Variants in FNTA observed in about 807,000 individuals in gnomAD.
FNTA encodes protein farnesyltransferase/geranylgeranyltransferase type-1 subunit alpha.
FNTA carries 27 observed loss-of-function variants against 55.2 expected under a neutral mutation model. The ratio of observed to expected loss-of-function variants is 0.49; its 90% CI spans 0.36 to 0.67. FNTA has a LOEUF of 0.67. Ranked by LOEUF, FNTA falls within the 30% of genes least tolerant of loss-of-function variation. The probability of loss-of-function intolerance (pLI) is 0.00; values close to 1 mark genes in which losing one functional copy is unlikely to be tolerated. For synonymous variants in FNTA, 176 were observed against 170.7 expected (o/e 1.03, Z -0.24); for missense variants, 422 against 464.7 (o/e 0.91, Z 0.85).
chr8:43,060,733 C>T (rs1810512499), intron 2 of FNTA, among the ~76,000 whole-genome samples: 1 of 151,100 alleles, frequency 6.6e-6, no homozygotes, highest in Admixed American at 6.6e-5. Flanking sequence ...GGTTAGAAAC[C>T]CTAAAGGAAA....
intron 6 of FNTA, chr8:43,078,522 T>C (rs1810959746): frequency 6.6e-6 from 1 of 152,204 alleles, no homozygotes; most frequent in African/African-American, 2.4e-5. Context: ...TGATTTGTGA[T>C]CAGTCATCTT....
At chr8:43,061,555 A>G (rs905719675) in intron 2 of FNTA, among the ~76,000 whole-genome samples, 17 of 152,212 alleles carry the variant, frequency 1.1e-4, no homozygotes, top group African/African-American at 3.9e-4. Flanking sequence ...CTATATGTCT[A>G]TCTTTTGGAG....
intron 2 of FNTA, among the ~76,000 whole-genome samples, chr8:43,060,128 C>A (rs1214875473): frequency 1.3e-5 from 2 of 151,990 alleles, no homozygotes; most frequent in African/African-American, 4.8e-5. Flanking sequence ...ACCTCAGAAT[C>A]GATTAAGGAG....
At chr8:43,063,500 C>T (rs967646753) in intron 2 of FNTA, among the ~76,000 whole-genome samples, 7 of 151,458 alleles carry the variant, frequency 4.6e-5, no homozygotes, top group Non-Finnish European at 1.0e-4. Flanking sequence ...TACTAGTTTA[C>T]ACTATCTTTA....
chr8:43,063,392 C>T, intron 2 of FNTA: 2 of 451,486 alleles, frequency 4.4e-6, no homozygotes, highest in Non-Finnish European at 8.9e-6. Flanking sequence ...TGAATACTTG[C>T]ACACATATGG....
rs146537325 is a variant in FNTA at position 43,072,802 on chromosome 8, T to C, written c.633+495T>C. Among the ~76,000 whole-genome samples, 1,201 of 152,258 alleles carry C rather than the reference T, an allele frequency of 7.9e-3. 9 individuals are homozygous for C. Among genetic ancestry groups the C allele is most frequent in the Middle Eastern group, 0.014 (4 of 294 alleles). Reference sequence around the variant, plus strand: ...ATGTTAGCTAACCTTTATAATCTCTTTGGATGTAGTAAATTTTTAGTATTT... The same window carrying C: ...ATGTTAGCTAACCTTTATAATCTCTCTGGATGTAGTAAATTTTTAGTATTT... On this transcript the variant is annotated intron_variant, in intron 5 of 8. Transcript: ENST00000302279.
rs201638101 is a variant in FNTA, at chr8:43,072,225, A to G, written c.551A>G (p.Gln184Arg). 25 of 1,591,494 alleles carry G rather than the reference A, an allele frequency of 1.6e-5. No homozygotes were observed. In the East Asian group the frequency reaches 5.7e-4, roughly 37 times the overall value. Residue 184 changes from glutamine (Q) to arginine (R), a missense_variant, in exon 5 of 9, where the codon CAG becomes CGG. Around this residue, in one of 2 missense-constraint regions of FNTA, gnomAD observed 262 missense variants for 343.1 expected, o/e 0.76. Coordinates refer to ENST00000302279, the MANE Select transcript of FNTA (RefSeq NM_002027.3). ...GTGGAATGGCTAAGAGATCCATCTC[A>G]GGAGCTTGAATTTATTGCTGATATT... ...VLVEWLRDPSQELEFIADILN... is the reference protein window; with the variant it reads ...VLVEWLRDPSRELEFIADILN...
In FNTA at chr8:43,085,219, T is replaced by C; in HGVS notation, c.1077T>C (p.Ile359=). ...DTIRKEYWRY[I]GRSLQSKHST... ...TAAGAAAGGAATATTGGAGATACAT[T>C]GGAAGATCCCTTCAAAGCAAACACA... The change falls in exon 9 of 9, where the codon ATT becomes ATC. Residue 359 remains isoleucine (I), a synonymous_variant. Coordinates refer to ENST00000302279, the MANE Select transcript of FNTA (RefSeq NM_002027.3). The C allele has an allele frequency of 1.2e-6, 2 of 1,602,304 alleles. No individual in the cohort carries two copies. The highest frequency in any genetic ancestry group is 1.7e-6 in the Non-Finnish European group (2 of 1,172,594).
intron 1 of FNTA, among the ~76,000 whole-genome samples, chr8:43,057,510 C>T (rs1227859270): frequency 6.6e-6 from 1 of 152,136 alleles, no homozygotes. Flanking sequence ...ACAGCCTTAC[C>T]TTTCCCAGGC....
At chr8:43,079,879 A>G (rs980123808) in intron 6 of FNTA, 11 of 155,484 alleles carry the variant, frequency 7.1e-5, no homozygotes, top group Admixed American at 5.9e-4. Context: ...TCCAGCCCTC[A>G]TGGATGACTT....
At chr8:43,057,623 G>A (rs1810440698) in intron 1 of FNTA, among the ~76,000 whole-genome samples, 1 of 152,154 alleles carries the variant, frequency 6.6e-6, no homozygotes, top group African/African-American at 2.4e-5. Context: ...GGATGCCACA[G>A]AATCTCTGCT....
chr8:43,069,716 C>T (rs1810744035), intron 4 of FNTA, 57 bp downstream of exon 4: 1 of 1,013,742 alleles, frequency 9.9e-7, no homozygotes, highest in Non-Finnish European at 1.5e-6. Context: ...ATGACCTCGG[C>T]TCACTGCAGC....
At position 43,059,303 on chromosome 8, in the gene FNTA, G is replaced by C. The variant is rs558439035; in HGVS notation, c.286+126G>C. 4.8e-6 allele frequency: 3 copies of C among 630,284 alleles called. No individual in the cohort carries two copies. In the South Asian group the frequency reaches 6.6e-5, roughly 14 times the overall value. The allele number at this position is 630,284 out of a possible 1,614,324, so 39.0% of individuals were successfully genotyped here. A position where few individuals can be genotyped will look rare whatever the true frequency, so the allele number is the denominator to read the frequency against. On this transcript the variant is annotated intron_variant, in intron 2 of 8. Transcript: ENST00000302279. ...TAAAAATCTGAATGACTTAAGATGA[G>C]TTAATTTTGTGTTTTTTTTATGTGT...
chr8:43,065,408 C>G (rs1311709229), intron 3 of FNTA, among the ~76,000 whole-genome samples: 1 of 151,930 alleles, frequency 6.6e-6, no homozygotes, highest in East Asian at 1.9e-4. Flanking sequence ...CCACCACACC[C>G]AGCTAATTTT....
At chr8:43,058,056 C>G (rs1475051727) in intron 1 of FNTA, among the ~76,000 whole-genome samples, 1 of 151,896 alleles carries the variant, frequency 6.6e-6, no homozygotes, top group Non-Finnish European at 1.5e-5. Context: ...TTTCTGTAAG[C>G]ACTCACTGTT....
intron 3 of FNTA, among the ~76,000 whole-genome samples, chr8:43,066,293 G>T (rs1421565911): frequency 6.7e-6 from 1 of 149,366 alleles, no homozygotes; most frequent in Non-Finnish European, 1.5e-5. Context: ...GTCTCGCTCA[G>T]TTGCCCAGGC....
In FNTA at chr8:43,069,713, C is replaced by T. The variant is rs978378765; in HGVS notation, c.506+54C>T. 99 of 1,039,382 alleles carry T rather than the reference C, an allele frequency of 9.5e-5. No homozygotes were observed. The African/African-American group carries it at 1.2e-3, about 12-fold the overall frequency. 64.4% of individuals were successfully genotyped at this position (1,039,382 alleles called of 1,614,324 possible). On this transcript the variant is annotated intron_variant, in intron 4 of 8. Transcript: ENST00000302279. ...AGGCTGGAGTGCAGTGGCATGACCT[C>T]GGCTCACTGCAGCCTCTGCCTCCTG...
At chr8:43,068,135 A>G (rs1162254974) in intron 3 of FNTA, among the ~76,000 whole-genome samples, 2 of 152,102 alleles carry the variant, frequency 1.3e-5, no homozygotes, top group African/African-American at 2.4e-5. Flanking sequence ...TGACCTCGTG[A>G]TCCGCCCACC....
chr8:43,078,439 C>T (rs1810958559), intron 6 of FNTA: 1 of 152,096 alleles, frequency 6.6e-6, no homozygotes, highest in South Asian at 2.1e-4. Context: ...CATGTGCTCA[C>T]TTGTGTCTCC....
Sources: allele counts gnomAD v4.1 joint callset (sites outside exome capture counted in the v4.1 genomes callset), GRCh38; gene constraint gnomAD v4.1.1; regional missense constraint gnomAD v4.1.1; transcripts MANE v1.5; gene names NCBI Gene and HGNC (gene_info 2026-07-23, HGNC 2026-07-21).